Variants in CDV3 observed in about 807,000 individuals in gnomAD.
CDV3 encodes the protein protein CDV3 homolog.
In CDV3, 14 loss-of-function variants were observed where a neutral mutation model predicts 24.5. The observed-to-expected ratio is 0.57, with a 90% confidence interval of 0.38 to 0.89. CDV3 has a LOEUF of 0.89. Among genes scored for constraint, CDV3 ranks in the 40% least tolerant of loss-of-function variants. The pLI is 0.00. For synonymous variants in CDV3, 114 were observed against 114.1 expected (o/e 1.00, Z 0.00); for missense variants, 304 against 310.2 (o/e 0.98, Z 0.15).
chr3:133,576,082 A>G (rs2074795335), intron 2 of CDV3, among the ~76,000 whole-genome samples: 1 of 152,248 alleles, frequency 6.6e-6, no homozygotes, highest in African/African-American at 2.4e-5. Flanking sequence ...TAGTATCTAT[A>G]GCTTTAGATA....
chr3:133,576,238 G>A (rs527996524), intron 2 of CDV3, among the ~76,000 whole-genome samples: 2 of 152,356 alleles, frequency 1.3e-5, no homozygotes, highest in East Asian at 1.9e-4. Context: ...TTTCAGGAAC[G>A]ATGGCTTCTC....
At chr3:133,574,854 C>T in intron 1 of CDV3, 185 bp from the exon 2 acceptor site, 1 of 736,098 alleles carries the variant, frequency 1.4e-6, no homozygotes, top group Non-Finnish European at 2.0e-6. Context: ...ATAGTGTTAG[C>T]CTACGAGCAT....
intron 4 of CDV3, chr3:133,587,496 G>A: frequency 9.0e-7 from 1 of 1,116,620 alleles, no homozygotes; most frequent in South Asian, 4.2e-5. Context: ...GATGTGAGGA[G>A]AAATCATTGA....
chr3:133,584,882 G>A (rs886433250), intron 3 of CDV3, among the ~76,000 whole-genome samples: 2 of 152,044 alleles, frequency 1.3e-5, no homozygotes, highest in Non-Finnish European at 2.9e-5. Flanking sequence ...CATGGAGTGG[G>A]GGGCAGTTAG....
chr3:133,574,314 CCCGGGCCGCGCG>C (rs1559776645), intron 1 of CDV3, 30 bp downstream of exon 1: 1 of 950,792 alleles, frequency 1.1e-6, no homozygotes, highest in African/African-American at 1.8e-5. Context: ...GCACTCGGGG[CCCGGGCCGCGCG>C]CCGGCGCCCC....
At chr3:133,574,983 GCTTAGTTATATGT>G (rs2074747871) in intron 1 of CDV3, 43 bp from the exon 2 acceptor site, 2 of 1,059,418 alleles carry the variant, frequency 1.9e-6, no homozygotes, top group Non-Finnish European at 2.9e-6. Flanking sequence ...TGTGTTATTT[GCTTAGTTATATGT>G]CTACAAATAG....
chr3:133,575,622 T>TCC (rs1393209336), intron 2 of CDV3, among the ~76,000 whole-genome samples: 1 of 152,200 alleles, frequency 6.6e-6, no homozygotes, highest in Non-Finnish European at 1.5e-5. Context: ...AGAACAAGGT[T>TCC]CCCCTCCTAA....
At chr3:133,576,010 C>T (rs1365879045) in intron 2 of CDV3, among the ~76,000 whole-genome samples, 5 of 152,146 alleles carry the variant, frequency 3.3e-5, no homozygotes, top group Admixed American at 6.5e-5. Flanking sequence ...CCAGTGAGTG[C>T]GAGGCACAGT....
intron 2 of CDV3, among the ~76,000 whole-genome samples, chr3:133,576,841 C>CTCTTTTTTTTTTTTTT (rs2074826777): frequency 1.6e-5 from 1 of 62,388 alleles, no homozygotes; most frequent in African/African-American, 6.8e-5. Flanking sequence ...GGTAGACTAG[C>CTCTTTTTTTTTTTTTT]TTTTTTTTTT....
At position 133,588,157 on chromosome 3, in the gene CDV3, C is replaced by G; in HGVS notation, c.*111C>G. Reference sequence around the variant, plus strand: ...TCTACAGACACCGATGCAGACCACTCGATTTCATGACCGGCCCTATTGCAC... The same window carrying G: ...TCTACAGACACCGATGCAGACCACTGGATTTCATGACCGGCCCTATTGCAC... On this transcript the variant is annotated 3_prime_UTR_variant, in exon 5 of 5. Coordinates refer to ENST00000264993, the MANE Select transcript of CDV3 (RefSeq NM_017548.5). 1 of 1,552,098 alleles carries G rather than the reference C, an allele frequency of 6.4e-7. No homozygotes were observed. Among genetic ancestry groups the G allele is most frequent in the Non-Finnish European group, 8.7e-7 (1 of 1,150,708 alleles).
intron 3 of CDV3, among the ~76,000 whole-genome samples, chr3:133,585,498 T>C (rs1206837990): frequency 1.4e-5 from 2 of 146,514 alleles, no homozygotes; most frequent in African/African-American, 5.3e-5. Context: ...TTTTTTCTTT[T>C]TCTTTTTTTT....
At position 133,587,971 on chromosome 3, in the gene CDV3, G is replaced by C; in HGVS notation, c.702G>C (p.Gln234His). Reference protein sequence around the residue: ...NRGRDEVSKNQALKLQLDNQY... With the variant: ...NRGRDEVSKNHALKLQLDNQY... ...GTAGGGATGAGGTTTCAAAAAACCA[G>C]GCCCTTAAACTTCAGCTAGACAACC... The change falls in exon 5 of 5, where the codon CAG (glutamine) becomes CAC (histidine). Residue 234 changes from glutamine (Q) to histidine (H), a missense_variant. By Grantham distance (24) the Gln-to-His change is conservative (BLOSUM62 0). This residue lies in a region of CDV3 where 56 missense variants were observed against 50.9 expected (regional missense o/e 1.10). Coordinates refer to ENST00000264993, the MANE Select transcript of CDV3 (RefSeq NM_017548.5). The C allele has an allele frequency of 2.5e-6, 4 of 1,614,078 alleles. No homozygotes were observed. Among genetic ancestry groups the C allele is most frequent in the Non-Finnish European group, 3.4e-6 (4 of 1,179,978 alleles).
At chr3:133,575,616 C>T (rs776500620) in intron 2 of CDV3, among the ~76,000 whole-genome samples, 2 of 152,202 alleles carry the variant, frequency 1.3e-5, no homozygotes, top group African/African-American at 2.4e-5. Context: ...TGATACAGAA[C>T]AAGGTTCCCC....
chr3:133,588,032 T>C lies in CDV3; in HGVS notation c.763T>C (p.Ser255Pro). 1.2e-6 allele frequency: 2 copies of C among 1,613,380 alleles called. No individual in the cohort carries two copies. Among genetic ancestry groups the C allele is most frequent in the Non-Finnish European group, 1.7e-6 (2 of 1,179,848 alleles). Residue 255 changes from serine to proline, a missense_variant, in exon 5 of 5, where the codon TCA (serine) becomes CCA (proline). By Grantham distance (74) the Ser-to-Pro change is moderately conservative. Transcript: ENST00000264993. ...AVLENQKSSHSQYN is the reference protein window; with the variant it reads ...AVLENQKSSHPQYN ...GCTTGAAAATCAGAAAAGCAGCCAC[T>C]CACAATACAATTAAGGAATGGGCTT...
Position 133,588,037 on chromosome 3 carries a change from A to G in CDV3, c.768A>G (p.Gln256=), listed in dbSNP as rs753229434. The G allele has an allele frequency of 2.5e-6, 4 of 1,613,266 alleles. No individual in the cohort carries two copies. The highest frequency in any genetic ancestry group is 2.2e-5 in the South Asian group (2 of 90,980). The change falls in exon 5 of 5, where the codon CAA becomes CAG. Residue 256 remains glutamine (Q), a synonymous_variant. Coordinates refer to ENST00000264993, the MANE Select transcript of CDV3 (RefSeq NM_017548.5). ...AAAATCAGAAAAGCAGCCACTCACA[A>G]TACAATTAAGGAATGGGCTTTGCTA... The part of the protein sequence containing the change: ...VLENQKSSHS[Q]YN
At chr3:133,579,339 G>T (rs114990251) in intron 2 of CDV3, among the ~76,000 whole-genome samples, 1,616 of 152,278 alleles carry the variant, frequency 0.011, 15 homozygotes, top group Middle Eastern at 0.027. Context: ...AAATTTAGCT[G>T]ATGGGAAGCT....
At chr3:133,583,127 A>G (rs77840390) in intron 2 of CDV3, among the ~76,000 whole-genome samples, 1,535 of 152,336 alleles carry the variant, frequency 0.01, 17 homozygotes, top group African/African-American at 0.035. Context: ...TTTTCCATTT[A>G]TAACATCTGG....
chr3:133,574,627 C>G (rs2074732493), intron 1 of CDV3: 4 of 1,017,796 alleles, frequency 3.9e-6, no homozygotes, highest in East Asian at 9.9e-5. Flanking sequence ...GTGTGCTGAC[C>G]TCAGCCCAGT....
intron 2 of CDV3, among the ~76,000 whole-genome samples, chr3:133,582,247 C>G (rs1225002479): frequency 3.3e-5 from 5 of 152,194 alleles, no homozygotes. Flanking sequence ...ACCTCTGCCT[C>G]CCAGGTTCAC....
Sources: gnomAD v4.1 joint callset for allele counts (sites outside exome capture counted in the v4.1 genomes callset) on GRCh38, gnomAD v4.1.1 for gene constraint, gnomAD v4.1.1 regional missense constraint, MANE v1.5 for transcripts, NCBI Gene and HGNC (gene_info 2026-07-23, HGNC 2026-07-21) for gene names.